MRPL19: variants seen among roughly 807,000 people sequenced by gnomAD.
MRPL19 encodes large ribosomal subunit protein bL19m.
Under a neutral mutation model 34.0 loss-of-function variants are expected in MRPL19, and 31 were observed. The ratio of observed to expected loss-of-function variants is 0.91; its 90% CI spans 0.68 to 1.23. The LOEUF (loss-of-function observed/expected upper bound fraction) is 1.23, where lower values mean the gene tolerates loss of function less well. Among genes scored for constraint, MRPL19 ranks in the 50% most tolerant of loss-of-function variants. MRPL19 has a pLI of 0.00. For synonymous variants in MRPL19, 152 were observed against 127.7 expected, an observed-to-expected ratio of 1.19 and a Z score of -1.28; for missense variants, 384 against 367.6, an observed-to-expected ratio of 1.04 and a Z score of -0.37.
chr2:75,659,284 C>T lies in MRPL19; in HGVS notation c.*3999C>T, dbSNP rs1678545391. ...TCAATAGCATACAAAATCTCTACTCCTGTAAAGCTCTGCCCCTGCCCCCCT... is the reference window on the plus strand; with the variant it reads ...TCAATAGCATACAAAATCTCTACTCTTGTAAAGCTCTGCCCCTGCCCCCCT... On this transcript the variant is annotated 3_prime_UTR_variant, in exon 6 of 6. Coordinates refer to ENST00000393909, the MANE Select transcript of MRPL19 (RefSeq NM_014763.4). Among the ~76,000 whole-genome samples, 1 of 152,104 alleles carries T rather than the reference C, an allele frequency of 6.6e-6. No individual in the cohort carries two copies. Among genetic ancestry groups the T allele is most frequent in the African/African-American group, 2.4e-5 (1 of 41,434 alleles).
chr2:75,652,863 TTA>T (rs761303961), intron 4 of MRPL19, among the ~76,000 whole-genome samples: 1 of 152,210 alleles, frequency 6.6e-6, no homozygotes, highest in African/African-American at 2.4e-5. Context: ...TGAAGGCTTC[TTA>T]TGTTATTGGA....
At chr2:75,653,263 A>G (rs974628470) in intron 4 of MRPL19, among the ~76,000 whole-genome samples, 1 of 152,244 alleles carries the variant, frequency 6.6e-6, no homozygotes, top group Non-Finnish European at 1.5e-5. Flanking sequence ...TCTTATTTTC[A>G]AAGAAATTGA....
At chr2:75,647,252 T>A (rs987654598) in intron 2 of MRPL19, 33 bp downstream of exon 2, 1 of 1,548,714 alleles carries the variant, frequency 6.5e-7, no homozygotes, top group Non-Finnish European at 8.7e-7. Flanking sequence ...GGCCGGCAAC[T>A]GGGGTCGGTG....
rs1678418925 is a variant in MRPL19 at position 75,655,167 on chromosome 2, T to C, written c.761T>C (p.Met254Thr). Reference sequence around the variant, plus strand: ...GATCTTTGTTTAACTGAACAGCAAATGAAAGAAGCTCAGAAGTGGAATCAG... The same window carrying C: ...GATCTTTGTTTAACTGAACAGCAAACGAAAGAAGCTCAGAAGTGGAATCAG... ...RFDLCLTEQQ[M>T]KEAQKWNQPW... The change falls in exon 6 of 6, where the codon ATG (methionine) becomes ACG (threonine). Residue 254 changes from methionine to threonine, a missense_variant. Physicochemically the swap from Met to Thr is moderately conservative, Grantham distance 81 (BLOSUM62 -1). Coordinates refer to ENST00000393909, the MANE Select transcript of MRPL19 (RefSeq NM_014763.4). 4.3e-6 allele frequency: 7 copies of C among 1,611,868 alleles called. No homozygotes were observed. The highest frequency in any genetic ancestry group is 1.7e-5 in the Admixed American group (1 of 59,654).
rs761771867 is a variant in MRPL19, at chr2:75,655,218, G to A, written c.812G>A (p.Arg271Lys). 14 of 1,613,136 alleles carry A rather than the reference G, an allele frequency of 8.7e-6. 1 individual carries two copies. The highest frequency in any genetic ancestry group is 8.3e-5 in the Admixed American group (5 of 59,888). Residue 271 changes from arginine (R) to lysine (K), a missense_variant, in exon 6 of 6, where the codon AGG (arginine) becomes AAG (lysine). By Grantham distance (26) the Arg-to-Lys change is conservative. Coordinates refer to ENST00000393909, the MANE Select transcript of MRPL19 (RefSeq NM_014763.4). ...NQPWLEFDMM[R>K]EYDTSKIEAA... ...CCATGGCTTGAATTTGATATGATGAGGGAATATGATACTTCAAAAATTGAA... is the reference window on the plus strand; with the variant it reads ...CCATGGCTTGAATTTGATATGATGAAGGAATATGATACTTCAAAAATTGAA...
At chr2:75,651,139 A>G (rs1573026683) in intron 2 of MRPL19, 1 of 329,814 alleles carries the variant, frequency 3.0e-6, no homozygotes, top group South Asian at 2.5e-5. Flanking sequence ...AGTCCTTGCC[A>G]TGGGCAAGGT....
rs1678643088 is a variant in MRPL19 at position 75,662,206 on chromosome 2, A to G, written c.*6921A>G. The G allele has an allele frequency of 6.6e-6, 1 of 152,158 alleles. No individual in the cohort carries two copies. Among genetic ancestry groups the G allele is most frequent in the African/African-American group, 2.4e-5 (1 of 41,442 alleles). 9.4% of individuals were successfully genotyped at this position (152,158 alleles called of 1,614,324 possible). On this transcript the variant is annotated 3_prime_UTR_variant, in exon 6 of 6. Coordinates refer to ENST00000393909, the MANE Select transcript of MRPL19 (RefSeq NM_014763.4). ...GAATAAACCCTATTATCTTTTTTATACATTGCTGGATTTGATTTGCTAATT... is the reference window on the plus strand; with the variant it reads ...GAATAAACCCTATTATCTTTTTTATGCATTGCTGGATTTGATTTGCTAATT...
rs1678639454 is a variant in MRPL19 at position 75,662,078 on chromosome 2, G to C, written c.*6793G>C. ...GTCAAACACTTTTTCGGTAATAATTGAGATGATTGGTTCTGCAGTCATCGA... is the reference window on the plus strand; with the variant it reads ...GTCAAACACTTTTTCGGTAATAATTCAGATGATTGGTTCTGCAGTCATCGA... On this transcript the variant is annotated 3_prime_UTR_variant, in exon 6 of 6. Transcript: ENST00000393909. 6.6e-6 allele frequency: 1 copy of C among 152,154 alleles called. No individual in the cohort carries two copies. Among genetic ancestry groups the C allele is most frequent in the Admixed American group, 6.5e-5 (1 of 15,270 alleles). The allele number at this position is 152,154 out of a possible 1,614,324, so 9.4% of individuals were successfully genotyped here.
chr2:75,648,821 A>T (rs1417371878), intron 2 of MRPL19, among the ~76,000 whole-genome samples: 1 of 152,234 alleles, frequency 6.6e-6, no homozygotes, highest in African/African-American at 2.4e-5. Flanking sequence ...GTGAGCCGAG[A>T]TCGTGCCACT....
intron 2 of MRPL19, chr2:75,647,602 A>G (rs1377293796): frequency 1.2e-5 from 2 of 167,832 alleles, no homozygotes; most frequent in African/African-American, 2.4e-5. Context: ...AACTTAAAAA[A>G]TTTGCTATGG....
chr2:75,655,248 C>A lies in MRPL19; in HGVS notation c.842C>A (p.Ala281Glu). ...REYDTSKIEA[A>E]IWKEIEASKR... ...TATGATACTTCAAAAATTGAAGCTG[C>A]AATATGGAAGGAAATTGAAGCGTCG... is the stretch of plus-strand genomic sequence containing the variant. Residue 281 changes from alanine (A) to glutamate (E), a missense_variant, in exon 6 of 6, where the codon GCA becomes GAA. Coordinates refer to ENST00000393909, the MANE Select transcript of MRPL19 (RefSeq NM_014763.4). The A allele has an allele frequency of 6.2e-7, 1 of 1,612,506 alleles. No homozygotes were observed. The highest frequency in any genetic ancestry group is 8.5e-7 in the Non-Finnish European group (1 of 1,179,368).
intron 2 of MRPL19, among the ~76,000 whole-genome samples, chr2:75,650,090 G>A (rs1445312634): frequency 6.6e-6 from 1 of 152,166 alleles, no homozygotes; most frequent in African/African-American, 2.4e-5. Context: ...AATTGAGGAA[G>A]AGAAAGAAAT....
rs774235562 is a variant in MRPL19 at position 75,658,915 on chromosome 2, T to A, written c.*3630T>A. 5.9e-4 allele frequency among the ~76,000 whole-genome samples: 89 copies of A among 149,798 alleles called. 1 individual carries two copies. Among genetic ancestry groups the A allele is most frequent in the Non-Finnish European group, 1.2e-3 (84 of 67,690 alleles). On this transcript the variant is annotated 3_prime_UTR_variant, in exon 6 of 6. Coordinates refer to ENST00000393909, the MANE Select transcript of MRPL19 (RefSeq NM_014763.4). ...TGTATTTGTGTCTTTGGAGCTATAG[T>A]CTCTTGTAGACAGCATATCACTATC...
chr2:75,651,914 T>C, intron 2 of MRPL19: 2 of 314,962 alleles, frequency 6.3e-6, no homozygotes, highest in Non-Finnish European at 1.2e-5. Context: ...AAGGATTAAT[T>C]TATGCTATAG....
At chr2:75,649,095 A>G (rs1378927662) in intron 2 of MRPL19, among the ~76,000 whole-genome samples, 1 of 152,194 alleles carries the variant, frequency 6.6e-6, no homozygotes, top group Non-Finnish European at 1.5e-5. Flanking sequence ...ATTTAACCTT[A>G]GTCTAGGCAT....
intron 2 of MRPL19, chr2:75,647,544 T>A (rs926094724): frequency 8.7e-6 from 2 of 228,882 alleles, no homozygotes; most frequent in Non-Finnish European, 8.5e-6. Flanking sequence ...CCAAGAGCTC[T>A]TCTTTTCTCT....
rs1018375724 is a variant in MRPL19, at chr2:75,657,884, G to GAT, written c.*2609_*2610dup. 1.3e-5 allele frequency: 2 copies of GAT among 151,312 alleles called. No individual in the cohort carries two copies. Among genetic ancestry groups the GAT allele is most frequent in the South Asian group, 2.1e-4 (1 of 4,808 alleles). 9.4% of individuals were successfully genotyped at this position (151,312 alleles called of 1,614,324 possible). On this transcript the variant is annotated 3_prime_UTR_variant, in exon 6 of 6. Coordinates refer to ENST00000393909, the MANE Select transcript of MRPL19 (RefSeq NM_014763.4). ...AAGCTTTTTTTTTTTATTGTGGTAG[G>GAT]ATATATATATAAAACATAATTTGCC...
chr2:75,650,900 C>T (rs1260766055), intron 2 of MRPL19, among the ~76,000 whole-genome samples: 1 of 152,154 alleles, frequency 6.6e-6, no homozygotes, highest in Non-Finnish European at 1.5e-5. Flanking sequence ...ATTACCTAGC[C>T]TCTGGACAGC....
chr2:75,651,567 G>C (rs1417888479), intron 2 of MRPL19: 2 of 410,102 alleles, frequency 4.9e-6, no homozygotes, highest in African/African-American at 2.1e-5. Context: ...GTCTTGACCA[G>C]CAAACACAGC....
Sources: gnomAD v4.1 joint callset for allele counts (sites outside exome capture counted in the v4.1 genomes callset) on GRCh38, gnomAD v4.1.1 for gene constraint, MANE v1.5 for transcripts, NCBI Gene and HGNC (gene_info 2026-07-23, HGNC 2026-07-21) for gene names.